Variants in SLC18B1 observed in about 807,000 individuals in gnomAD.
SLC18B1 encodes solute carrier family 18 member B1.
A neutral mutation model predicts 53.9 loss-of-function variants in SLC18B1; 62 were observed. The observed-to-expected ratio is 1.15, with a 90% CI of 0.94 to 1.42. The LOEUF is 1.42. Ranked by LOEUF, SLC18B1 falls within the 40% of genes most tolerant of loss-of-function variation. SLC18B1 has a pLI of 0.00. For synonymous variants in SLC18B1, 217 were observed against 200.9 expected, an observed-to-expected ratio of 1.08 and a Z score of -0.68; for missense variants, 598 against 547.3, an observed-to-expected ratio of 1.09 and a Z score of -0.93.
intron 5 of SLC18B1, among the ~76,000 whole-genome samples, chr6:132,785,379 T>C (rs532962423): frequency 1.3e-5 from 2 of 152,232 alleles, no homozygotes; most frequent in East Asian, 3.9e-4. Flanking sequence ...AACAATGCTA[T>C]GGAAAAAAAG....
At chr6:132,780,710 C>G (rs1024433712) in intron 6 of SLC18B1, among the ~76,000 whole-genome samples, 1 of 151,324 alleles carries the variant, frequency 6.6e-6, no homozygotes, top group Non-Finnish European at 1.5e-5. Context: ...TACAGGCACA[C>G]GCAACCACAC....
rs193128221 is a variant in SLC18B1 at position 132,792,424 on chromosome 6, T to C, written c.184-2152A>G. ...GGAAGGAAGGAAGGACATTCATTAG[T>C]CAAGTTGCATTATCAATGTTCTTTG... On this transcript the variant is annotated intron_variant, in intron 2 of 13. Transcript: ENST00000275227. Among the ~76,000 whole-genome samples, 233 of 151,798 alleles carry C rather than the reference T, an allele frequency of 1.5e-3. 1 individual carries two copies. Among genetic ancestry groups the C allele is most frequent in the Admixed American group, 6.9e-3 (105 of 15,262 alleles).
intron 5 of SLC18B1, among the ~76,000 whole-genome samples, chr6:132,784,533 T>A (rs1394644071): frequency 2.6e-5 from 4 of 152,172 alleles, no homozygotes; most frequent in Non-Finnish European, 5.9e-5. Context: ...AATACAAAGA[T>A]CTTTTAGAAG....
rs181278706 is a variant in SLC18B1, at chr6:132,774,869, C to A, written c.898-556G>T. ...GAGGTTGCAGTGAGCCAAGATCACACCACCGTACTCCATCCTGGGCAACAG... is the reference window on the plus strand; with the variant it reads ...GAGGTTGCAGTGAGCCAAGATCACAACACCGTACTCCATCCTGGGCAACAG... On this transcript the variant is annotated intron_variant, in intron 8 of 13. Coordinates refer to ENST00000275227, the MANE Select transcript of SLC18B1 (RefSeq NM_052831.3). Among the ~76,000 whole-genome samples, 16 of 152,174 alleles carry A rather than the reference C, an allele frequency of 1.1e-4. No individual in the cohort carries two copies. In the East Asian group the frequency reaches 2.9e-3, roughly 28 times the overall value.
At chr6:132,774,364 C>T (rs1401396763) in intron 8 of SLC18B1, 51 bp from the exon 9 acceptor site, 3 of 1,368,890 alleles carry the variant, frequency 2.2e-6, no homozygotes, top group Non-Finnish European at 1.0e-6. Context: ...AAAGACCCTC[C>T]ATAATCAAAC....
intron 6 of SLC18B1, among the ~76,000 whole-genome samples, chr6:132,783,340 C>A (rs1445705052): frequency 6.6e-6 from 1 of 152,024 alleles, no homozygotes; most frequent in Non-Finnish European, 1.5e-5. Context: ...CCATGCCCAG[C>A]TAATTTTTAT....
chr6:132,782,366 A>G (rs986473302), intron 6 of SLC18B1, among the ~76,000 whole-genome samples: 5 of 152,208 alleles, frequency 3.3e-5, no homozygotes, highest in Non-Finnish European at 7.3e-5. Context: ...AATCAAGCTA[A>G]TTAACACATG....
intron 6 of SLC18B1, 41 bp from the exon 7 acceptor site, chr6:132,779,445 A>C (rs1781176866): frequency 1.9e-6 from 3 of 1,566,308 alleles, no homozygotes; most frequent in Middle Eastern, 1.7e-4. Context: ...AAATGAAAGC[A>C]ATTAAAATCT....
chr6:132,797,341 TG>T (rs1297046758), intron 1 of SLC18B1, among the ~76,000 whole-genome samples: 1 of 152,246 alleles, frequency 6.6e-6, no homozygotes, highest in Non-Finnish European at 1.5e-5. Context: ...GGCTCACGCC[TG>T]TAATCCCAGA....
chr6:132,793,299 G>A (rs540768888), intron 2 of SLC18B1, among the ~76,000 whole-genome samples: 1 of 152,202 alleles, frequency 6.6e-6, no homozygotes, highest in African/African-American at 2.4e-5. Context: ...GAGGAAGGGT[G>A]AGGCTTCACC....
chr6:132,774,523 G>A (rs930649581), intron 8 of SLC18B1, among the ~76,000 whole-genome samples: 7 of 152,132 alleles, frequency 4.6e-5, no homozygotes, highest in Admixed American at 4.6e-4. Context: ...GTGAACAAAG[G>A]ACAAAGATTT....
chr6:132,787,800 G>T (rs1781416471), intron 4 of SLC18B1, among the ~76,000 whole-genome samples: 1 of 152,060 alleles, frequency 6.6e-6, no homozygotes, highest in South Asian at 2.1e-4. Flanking sequence ...CATAATGACA[G>T]CTTAGTCGCC....
At chr6:132,773,112 C>A in intron 9 of SLC18B1, 24 bp from the exon 10 acceptor site, 1 of 1,550,224 alleles carries the variant, frequency 6.5e-7, no homozygotes, top group Admixed American at 1.7e-5. Flanking sequence ...TTGGAGAAAA[C>A]AAATACAAAA....
At chr6:132,791,892 C>T (rs1781531265) in intron 2 of SLC18B1, among the ~76,000 whole-genome samples, 2 of 152,030 alleles carry the variant, frequency 1.3e-5, no homozygotes, top group Admixed American at 1.3e-4. Flanking sequence ...GGTCAGGTTC[C>T]TCAAAAAGAA....
At chr6:132,792,709 G>A (rs943264281) in intron 2 of SLC18B1, among the ~76,000 whole-genome samples, 5 of 152,184 alleles carry the variant, frequency 3.3e-5, no homozygotes, top group African/African-American at 9.7e-5. Context: ...CATATTCGCT[G>A]TGGAAATGGA....
chr6:132,785,815 C>T (rs895516370), intron 5 of SLC18B1, among the ~76,000 whole-genome samples: 1 of 145,880 alleles, frequency 6.9e-6, no homozygotes, highest in African/African-American at 2.6e-5. Context: ...ATCCCAGCCA[C>T]CTTGGAAGGC....
At chr6:132,789,892 T>G in intron 3 of SLC18B1, 55 bp from the exon 4 acceptor site, 1 of 1,237,712 alleles carries the variant, frequency 8.1e-7, no homozygotes, top group East Asian at 2.3e-5. Flanking sequence ...AAGTCTATAT[T>G]GATATAAACA....
intron 2 of SLC18B1, among the ~76,000 whole-genome samples, chr6:132,792,374 G>GA (rs1781572279): frequency 7.5e-6 from 1 of 133,820 alleles, no homozygotes; most frequent in Non-Finnish European, 1.6e-5. Context: ...AGAAAAGAAG[G>GA]AAAGAAAGAG....
chr6:132,797,472 C>A (rs965191669), intron 1 of SLC18B1, among the ~76,000 whole-genome samples: 1 of 152,054 alleles, frequency 6.6e-6, no homozygotes, highest in Non-Finnish European at 1.5e-5. Flanking sequence ...GGTGGCGGGC[C>A]CCTGTATCCC....
Sources: allele counts gnomAD v4.1 joint callset (sites outside exome capture counted in the v4.1 genomes callset), GRCh38; gene constraint gnomAD v4.1.1; transcripts MANE v1.5; gene names NCBI Gene and HGNC (gene_info 2026-07-23, HGNC 2026-07-21).